ZBTB43: variants seen among roughly 807,000 people sequenced by gnomAD.
ZBTB43 encodes zinc finger and BTB domain-containing protein 43.
ZBTB43 carries 6 observed loss-of-function variants against 31.1 expected under a neutral mutation model. The ratio of observed to expected loss-of-function variants is 0.19; its 90% confidence interval spans 0.11 to 0.38. ZBTB43 has a LOEUF of 0.38. Among genes scored for constraint, ZBTB43 ranks in the 10% least tolerant of loss-of-function variants. The pLI, the probability that ZBTB43 is intolerant of heterozygous loss-of-function variation, is 1.00. For synonymous variants in ZBTB43, 212 were observed against 221.7 expected (o/e 0.96, Z 0.39); for missense variants, 379 against 602.1 (o/e 0.63, Z 3.88).
intron 2 of ZBTB43, among the ~76,000 whole-genome samples, chr9:126,824,430 C>A (rs183059297): frequency 1.1e-4 from 16 of 152,280 alleles, no homozygotes; most frequent in South Asian, 1.0e-3. Flanking sequence ...CCTGAAGGAC[C>A]CCTTTAGCAT....
intron 2 of ZBTB43, among the ~76,000 whole-genome samples, chr9:126,814,576 G>A (rs141814535): frequency 0.014 from 2,121 of 152,040 alleles, 55 homozygotes; most frequent in African/African-American, 0.049. Flanking sequence ...GGCAGATCAC[G>A]AGGTCAGGAG....
chr9:126,833,995 T>C lies in ZBTB43; in HGVS notation c.*82T>C, dbSNP rs2119173908. 1.5e-6 allele frequency: 2 copies of C among 1,357,946 alleles called. No individual in the cohort carries two copies. The highest frequency in any genetic ancestry group is 2.3e-5 in the East Asian group (1 of 42,848). 84.1% of individuals were successfully genotyped at this position (1,357,946 alleles called of 1,614,324 possible). A position where few individuals can be genotyped will look rare whatever the true frequency, so the allele number is the denominator to read the frequency against. Reference sequence around the variant, plus strand: ...AAATCTGGGCACAGATGATGCGTGCTACTTGCTATTATGAGAGAAGCTTAA... The same window carrying C: ...AAATCTGGGCACAGATGATGCGTGCCACTTGCTATTATGAGAGAAGCTTAA... On this transcript the variant is annotated 3_prime_UTR_variant, in exon 3 of 3. Coordinates refer to ENST00000373464, the MANE Select transcript of ZBTB43 (RefSeq NM_014007.4). This position sits in a 1 kb window ranked among gnomAD's most constrained non-coding sequence, Gnocchi z 7.9.
At chr9:126,830,175 C>T (rs1268499046) in intron 2 of ZBTB43, among the ~76,000 whole-genome samples, 6 of 152,172 alleles carry the variant, frequency 3.9e-5, no homozygotes, top group Non-Finnish European at 8.8e-5. Flanking sequence ...GAACTTCAGA[C>T]GATCAAGCCC....
chr9:126,834,853 A>T lies in ZBTB43; in HGVS notation c.*940A>T, dbSNP rs897784395. On this transcript the variant is annotated 3_prime_UTR_variant, in exon 3 of 3. Transcript: ENST00000373464. ...TGGTGCTTTACAAAGAGAGTGGTCC[A>T]TGACCACACTTAGTGAGAAGGAGCC... The T allele has an allele frequency of 6.0e-6, 1 of 167,114 alleles. No individual in the cohort carries two copies. Among genetic ancestry groups the T allele is most frequent in the Non-Finnish European group, 1.5e-5 (1 of 68,136 alleles). 10.4% of individuals were successfully genotyped at this position (167,114 alleles called of 1,614,324 possible).
intron 1 of ZBTB43, among the ~76,000 whole-genome samples, chr9:126,807,682 C>CTA (rs976134437): frequency 6.6e-6 from 1 of 152,190 alleles, no homozygotes; most frequent in Middle Eastern, 3.4e-3. Flanking sequence ...GTCGCCCAGG[C>CTA]TAGAGTGCAG....
At chr9:126,828,370 A>G (rs1225678556) in intron 2 of ZBTB43, among the ~76,000 whole-genome samples, 1 of 151,704 alleles carries the variant, frequency 6.6e-6, no homozygotes, top group African/African-American at 2.4e-5. Context: ...GTTTTAGTAG[A>G]GATGGGGTTT....
rs1353957657 is a variant in ZBTB43, at chr9:126,834,567, T to C, written c.*654T>C. 2 of 167,108 alleles carry C rather than the reference T, an allele frequency of 1.2e-5. No individual in the cohort carries two copies. Among genetic ancestry groups the C allele is most frequent in the African/African-American group, 4.8e-5 (2 of 41,474 alleles). The allele number at this position is 167,108 out of a possible 1,614,324, so 10.4% of individuals were successfully genotyped here. A position where few individuals can be genotyped will look rare whatever the true frequency, so the allele number is the denominator to read the frequency against. On this transcript the variant is annotated 3_prime_UTR_variant, in exon 3 of 3. Transcript: ENST00000373464. ...CTTGTCAGTTTCTGTAAGATGCCAC[T>C]ACTGTCACAAGGTGTTTCAGACTCT...
chr9:126,830,926 G>A (rs1433707379), intron 2 of ZBTB43, among the ~76,000 whole-genome samples: 2 of 152,102 alleles, frequency 1.3e-5, no homozygotes, highest in East Asian at 1.9e-4. Context: ...TCTTCTGATC[G>A]ACTCTGTTCA....
chr9:126,809,087 A>G (rs562097057), intron 2 of ZBTB43, among the ~76,000 whole-genome samples, 172 bp downstream of exon 2: 2 of 152,244 alleles, frequency 1.3e-5, no homozygotes, highest in Non-Finnish European at 2.9e-5. Context: ...TCAATGCCAT[A>G]CTTTGCACTG....
intron 2 of ZBTB43, among the ~76,000 whole-genome samples, chr9:126,825,922 T>G (rs2032623255): frequency 6.8e-6 from 1 of 147,856 alleles, no homozygotes; most frequent in Admixed American, 6.8e-5. Flanking sequence ...CTCAGCTCAC[T>G]GCAACCTCCT....
At chr9:126,828,642 A>ATTATTATTATTATTATT (rs1554742714) in intron 2 of ZBTB43, among the ~76,000 whole-genome samples, 10 of 126,624 alleles carry the variant, frequency 7.9e-5, no homozygotes, top group African/African-American at 3.3e-4. Context: ...TAATAATAAT[A>ATTATTATTATTATTATT]ATAATAATAA....
chr9:126,805,386 C>T (rs1367534983), intron 1 of ZBTB43, among the ~76,000 whole-genome samples: 4 of 152,186 alleles, frequency 2.6e-5, no homozygotes, highest in African/African-American at 9.6e-5. Flanking sequence ...CCAAGGTCAC[C>T]CTCGCGGCGG....
chr9:126,835,924 G>T lies in ZBTB43; in HGVS notation c.*2011G>T, dbSNP rs1240866338. The T allele has an allele frequency of 6.0e-6, 1 of 166,890 alleles. No individual in the cohort carries two copies. The highest frequency in any genetic ancestry group is 1.5e-5 in the Non-Finnish European group (1 of 68,076). The allele number at this position is 166,890 out of a possible 1,614,324, so 10.3% of individuals were successfully genotyped here. A position where few individuals can be genotyped will look rare whatever the true frequency, so the allele number is the denominator to read the frequency against. On this transcript the variant is annotated 3_prime_UTR_variant, in exon 3 of 3. Transcript: ENST00000373464. ...CATGGTAGAGGCCAGTGGGTTTTAG[G>T]TATGATCCTAGCCATTATATTTGAG...
chr9:126,815,657 TC>T (rs1554741077), intron 2 of ZBTB43, among the ~76,000 whole-genome samples: 2 of 74,176 alleles, frequency 2.7e-5, no homozygotes, highest in Non-Finnish European at 4.3e-5. Flanking sequence ...TCTCTCTCTC[TC>T]TTTTTTTTTT....
intron 2 of ZBTB43, among the ~76,000 whole-genome samples, chr9:126,826,454 C>CTTTTTTTTTTTTTTTTTTTTTT (rs35094731): frequency 1.9e-5 from 1 of 53,576 alleles, no homozygotes; most frequent in African/African-American, 5.4e-5. Flanking sequence ...GCCCCCCCGC[C>CTTTTTTTTTTTTTTTTTTTTTT]TTTTTTTTTT....
chr9:126,824,003 G>T (rs1283477515), intron 2 of ZBTB43, among the ~76,000 whole-genome samples: 1 of 151,802 alleles, frequency 6.6e-6, no homozygotes, highest in Non-Finnish European at 1.5e-5. Context: ...AGAAACAAAA[G>T]AATTAAAAAC....
At chr9:126,828,971 A>G (rs543609817) in intron 2 of ZBTB43, among the ~76,000 whole-genome samples, 1 of 152,166 alleles carries the variant, frequency 6.6e-6, no homozygotes. Context: ...ATTCATAATT[A>G]AGGAAATGCA....
Position 126,819,279 on chromosome 9 carries a change from ATTTT to A in ZBTB43, c.-24+10386_-24+10389del, listed in dbSNP as rs71377975. Reference sequence around the variant, plus strand: ...TCATTTTGTGCTTCACGGATATTGCATTTTTTTTTTTTTTTTTTTTTTTTTACAA... The same window carrying A: ...TCATTTTGTGCTTCACGGATATTGCATTTTTTTTTTTTTTTTTTTTTACAA... On this transcript the variant is annotated intron_variant, in intron 2 of 2. Transcript: ENST00000373464. Among the ~76,000 whole-genome samples the A allele has an allele frequency of 2.6e-3, 260 of 100,180 alleles. 3 individuals are homozygous for A. Among genetic ancestry groups the A allele is most frequent in the African/African-American group, 9.7e-3 (254 of 26,208 alleles). 65.7% of individuals were successfully genotyped at this position (100,180 alleles called of 152,430 possible).
intron 2 of ZBTB43, among the ~76,000 whole-genome samples, chr9:126,820,967 CAAAAAAAAAA>C (rs36023653): frequency 1.2e-5 from 1 of 83,492 alleles, no homozygotes; most frequent in Non-Finnish European, 2.1e-5. Context: ...ACCCCCATCT[CAAAAAAAAAA>C]AAAAAAAAAA....
Sources: gnomAD v4.1 joint callset for allele counts (sites outside exome capture counted in the v4.1 genomes callset) on GRCh38, gnomAD v4.1.1 for gene constraint, Gnocchi (gnomAD v3.1) non-coding constraint, MANE v1.5 for transcripts, NCBI Gene and HGNC (gene_info 2026-07-23, HGNC 2026-07-21) for gene names.